Variants in STXBP5L observed in about 807,000 individuals in gnomAD.
STXBP5L encodes syntaxin binding protein 5L.
In STXBP5L, 65 loss-of-function variants were observed where a neutral mutation model predicts 144.5. The ratio of observed to expected loss-of-function variants is 0.45; its 90% confidence interval spans 0.37 to 0.55. The LOEUF is 0.55. Among genes scored for constraint, STXBP5L ranks in the 20% least tolerant of loss-of-function variants. The probability of loss-of-function intolerance (pLI) is 0.00; values close to 1 mark genes in which losing one functional copy is unlikely to be tolerated. For missense variants in STXBP5L, 1,298 were observed against 1,405.5 expected, an observed-to-expected ratio of 0.92 and a Z score of 1.22; for synonymous variants, 505 against 469.6, an observed-to-expected ratio of 1.08 and a Z score of -0.97.
chr3:121,266,461 T>A (rs1163602471), intron 18 of STXBP5L, among the ~76,000 whole-genome samples: 2 of 152,200 alleles, frequency 1.3e-5, no homozygotes, highest in African/African-American at 4.8e-5. Flanking sequence ...AACTAGTAAT[T>A]GATGGAACGT....
chr3:121,151,195 G>A (rs1046707719), intron 7 of STXBP5L, among the ~76,000 whole-genome samples: 1 of 151,932 alleles, frequency 6.6e-6, no homozygotes, highest in Non-Finnish European at 1.5e-5. Context: ...AGTACACTTA[G>A]TACAGTCATA....
chr3:120,998,067 T>C (rs1041437198), intron 3 of STXBP5L, among the ~76,000 whole-genome samples: 4 of 152,158 alleles, frequency 2.6e-5, no homozygotes, highest in Non-Finnish European at 4.4e-5. Flanking sequence ...AAACAAAGCA[T>C]TGAAGGAACA....
At chr3:120,990,254 C>T (rs374201355) in intron 3 of STXBP5L, among the ~76,000 whole-genome samples, 51 of 152,072 alleles carry the variant, frequency 3.4e-4, no homozygotes, top group African/African-American at 8.4e-4. Flanking sequence ...TTACAAGGGA[C>T]GTGAAGGACC....
chr3:121,208,963 C>T (rs973677716), intron 10 of STXBP5L, among the ~76,000 whole-genome samples: 1 of 152,072 alleles, frequency 6.6e-6, no homozygotes, highest in African/African-American at 2.4e-5. Flanking sequence ...GTTCCCCTCC[C>T]TATGTCCATG....
At chr3:121,417,378 TA>T (rs561338207) in intron 25 of STXBP5L, among the ~76,000 whole-genome samples, 6 of 151,936 alleles carry the variant, frequency 3.9e-5, no homozygotes, top group African/African-American at 1.4e-4. Context: ...ACTCTTATTT[TA>T]AAAAAAATCT....
intron 3 of STXBP5L, among the ~76,000 whole-genome samples, chr3:121,007,450 A>G (rs762035202): frequency 2.0e-5 from 3 of 152,004 alleles, no homozygotes; most frequent in African/African-American, 7.2e-5. Flanking sequence ...TTTGTGTGAA[A>G]TTAGTGTTTT....
chr3:121,372,417 G>C (rs567224761), intron 20 of STXBP5L, among the ~76,000 whole-genome samples: 1 of 152,138 alleles, frequency 6.6e-6, no homozygotes, highest in Non-Finnish European at 1.5e-5. Flanking sequence ...CCCTCTGGGC[G>C]CTAGCTGGAG....
At chr3:121,311,690 A>G (rs969300085) in intron 19 of STXBP5L, among the ~76,000 whole-genome samples, 1 of 152,242 alleles carries the variant, frequency 6.6e-6, no homozygotes, top group African/African-American at 2.4e-5. Context: ...ATGAAATAAA[A>G]GAAGATACAA....
At chr3:121,360,364 C>A (rs986036311) in intron 20 of STXBP5L, among the ~76,000 whole-genome samples, 2 of 151,722 alleles carry the variant, frequency 1.3e-5, no homozygotes, top group African/African-American at 4.8e-5. Flanking sequence ...CATTCTGTGT[C>A]TTTTGATTGA....
chr3:121,103,804 G>C (rs1385316382), intron 5 of STXBP5L, among the ~76,000 whole-genome samples: 1 of 152,088 alleles, frequency 6.6e-6, no homozygotes, highest in Non-Finnish European at 1.5e-5. Flanking sequence ...TAGATGATTA[G>C]GTGATTATTT....
chr3:120,978,252 T>C lies in STXBP5L; in HGVS notation c.287+23215T>C, dbSNP rs181633148. Among the ~76,000 whole-genome samples the C allele has an allele frequency of 2.6e-3, 390 of 152,330 alleles. 4 individuals carry two copies. Among genetic ancestry groups the C allele is most frequent in the African/African-American group, 8.7e-3 (363 of 41,584 alleles). On this transcript the variant is annotated intron_variant, in intron 3 of 26. Coordinates refer to ENST00000471454, the MANE Select transcript of STXBP5L (RefSeq NM_001308330.2). ...GGAGGCTTTGTTCGTTTCTTTTTAT[T>C]CTTTTTTCTCTAAACTTCCCTTCTC... is the stretch of plus-strand genomic sequence containing the variant.
chr3:121,034,217 G>C (rs1241738811), intron 3 of STXBP5L, among the ~76,000 whole-genome samples: 1 of 152,056 alleles, frequency 6.6e-6, no homozygotes, highest in Non-Finnish European at 1.5e-5. Flanking sequence ...TGAATTCTGA[G>C]TTCTTAGTGT....
At chr3:121,054,678 A>T (rs887160615) in intron 5 of STXBP5L, among the ~76,000 whole-genome samples, 13 of 151,930 alleles carry the variant, frequency 8.6e-5, no homozygotes, top group African/African-American at 2.7e-4. Context: ...AACATGGCAT[A>T]TGTATACATA....
intron 9 of STXBP5L, among the ~76,000 whole-genome samples, chr3:121,164,853 G>A (rs933404160): frequency 2.6e-5 from 4 of 152,154 alleles, no homozygotes; most frequent in African/African-American, 9.7e-5. Context: ...TATACTGAGA[G>A]AATAAAACAG....
chr3:121,090,826 G>A (rs1002077198), intron 5 of STXBP5L, among the ~76,000 whole-genome samples: 5 of 151,674 alleles, frequency 3.3e-5, no homozygotes, highest in East Asian at 3.9e-4. Flanking sequence ...TGTGCACAAC[G>A]TGCAGGTTAG....
chr3:121,346,983 T>A (rs571280976), intron 20 of STXBP5L, among the ~76,000 whole-genome samples: 6 of 152,356 alleles, frequency 3.9e-5, no homozygotes, highest in African/African-American at 1.4e-4. Flanking sequence ...AATTTTGGCT[T>A]CTGTTGCCAT....
intron 5 of STXBP5L, among the ~76,000 whole-genome samples, chr3:121,063,789 T>A (rs1337027881): frequency 1.3e-5 from 2 of 151,760 alleles, no homozygotes; most frequent in East Asian, 3.9e-4. Context: ...TTGTTTACAC[T>A]GTCAGCAGAA....
At chr3:121,045,266 C>G (rs1030620269) in intron 4 of STXBP5L, among the ~76,000 whole-genome samples, 169 bp from the exon 5 acceptor site, 1 of 152,126 alleles carries the variant, frequency 6.6e-6, no homozygotes, top group African/African-American at 2.4e-5. Context: ...CTACTTTCAG[C>G]ATTCTTACCC....
chr3:121,251,100 G>A (rs145276735), intron 15 of STXBP5L, among the ~76,000 whole-genome samples: 224 of 152,094 alleles, frequency 1.5e-3, no homozygotes, highest in African/African-American at 4.7e-3. Flanking sequence ...TGTGGTCTTC[G>A]CCAAGTGCTT....
Sources: gnomAD v4.1 joint callset for allele counts (sites outside exome capture counted in the v4.1 genomes callset) on GRCh38, gnomAD v4.1.1 for gene constraint, MANE v1.5 for transcripts, NCBI Gene and HGNC (gene_info 2026-07-23, HGNC 2026-07-21) for gene names.